RDH10: variants seen among roughly 807,000 people sequenced by gnomAD.
RDH10 encodes retinol dehydrogenase 10 (all-trans).
In RDH10, 12 loss-of-function variants were observed where a neutral mutation model predicts 30.2. The ratio of observed to expected loss-of-function variants is 0.40; its 90% CI spans 0.25 to 0.64. The LOEUF is 0.64. Ranked by LOEUF, RDH10 falls within the 30% of genes least tolerant of loss-of-function variation. The pLI, the probability that RDH10 is intolerant of heterozygous loss-of-function variation, is 0.43. For missense variants in RDH10, 268 were observed against 445.2 expected (o/e 0.60, Z 3.58); for synonymous variants, 189 against 172.2 (o/e 1.10, Z -0.76).
chr8:73,313,659 C>T (rs551629130), intron 2 of RDH10, among the ~76,000 whole-genome samples: 1 of 152,200 alleles, frequency 6.6e-6, no homozygotes, highest in African/African-American at 2.4e-5. Context: ...TGTAAACTTC[C>T]TGTTTCATAT....
rs1004004162 is a variant in RDH10, at chr8:73,295,601, C to T, written c.289+23C>T. On this transcript the variant is annotated intron_variant, in intron 1 of 5. Transcript: ENST00000240285. ...AAGGTAACCTGGACCCGCGCGGGAG[C>T]ATTGTTGGGTCAAGCCTCTTTCCAC... 26 of 1,471,248 alleles carry T rather than the reference C, an allele frequency of 1.8e-5. No homozygotes were observed. The Admixed American group carries it at 4.3e-4, about 24-fold the overall frequency. 91.1% of individuals were successfully genotyped at this position (1,471,248 alleles called of 1,614,324 possible). A position where few individuals can be genotyped will look rare whatever the true frequency, so the allele number is the denominator to read the frequency against.
intron 4 of RDH10, chr8:73,322,366 C>T (rs182799466): frequency 9.0e-5 from 26 of 289,482 alleles, no homozygotes; most frequent in African/African-American, 4.8e-4. Flanking sequence ...ACACCTTCTC[C>T]TCTTTCTATT....
intron 5 of RDH10, 28 bp from the exon 6 acceptor site, chr8:73,322,885 G>A: frequency 6.2e-7 from 1 of 1,614,028 alleles, no homozygotes; most frequent in South Asian, 1.1e-5. Context: ...CTTCAAGTTT[G>A]CTAACAGCTG....
intron 2 of RDH10, among the ~76,000 whole-genome samples, chr8:73,298,314 A>G (rs1422813166): frequency 6.6e-6 from 1 of 152,014 alleles, no homozygotes. Context: ...TTTTTTCCAT[A>G]GGCGGATTAG....
At chr8:73,321,638 G>A in intron 4 of RDH10, 1 of 359,380 alleles carries the variant, frequency 2.8e-6, no homozygotes, top group Non-Finnish European at 5.5e-6. Context: ...ACATAGAAAG[G>A]AGGTATATGG....
rs1414872613 is a variant in RDH10, at chr8:73,297,218, T to A, written c.314T>A (p.Leu105Gln). 6.2e-7 allele frequency: 1 copy of A among 1,612,702 alleles called. No individual in the cohort carries two copies. The highest frequency in any genetic ancestry group is 2.2e-5 in the East Asian group (1 of 44,884). The change falls in exon 2 of 6, where the codon CTG becomes CAG. Residue 105 changes from leucine (L) to glutamine (Q), a missense_variant. By Grantham distance (113) the Leu-to-Gln change is moderately radical (BLOSUM62 -2). Transcript: ENST00000240285. ...LQAGNGEEEI[L>Q]PHCNLQVFTY... Reference sequence around the variant, plus strand: ...GCTGGGAATGGTGAGGAAGAAATTCTGCCCCACTGTAACTTGCAGGTTTTT... The same window carrying A: ...GCTGGGAATGGTGAGGAAGAAATTCAGCCCCACTGTAACTTGCAGGTTTTT...
intron 2 of RDH10, among the ~76,000 whole-genome samples, chr8:73,315,011 GTACTT>G (rs1194888164): frequency 6.6e-6 from 1 of 152,014 alleles, no homozygotes; most frequent in Non-Finnish European, 1.5e-5. Flanking sequence ...AGCATGTGTC[GTACTT>G]TACTCTTTAA....
intron 2 of RDH10, among the ~76,000 whole-genome samples, chr8:73,304,078 C>T (rs114243585): frequency 6.6e-6 from 1 of 152,216 alleles, no homozygotes; most frequent in Non-Finnish European, 1.5e-5. Context: ...ATGTGACCCT[C>T]TTGACCGTCT....
chr8:73,297,447 T>A lies in RDH10; in HGVS notation c.525+18T>A. 4 of 1,555,186 alleles carry A rather than the reference T, an allele frequency of 2.6e-6. No individual in the cohort carries two copies. Among genetic ancestry groups the A allele is most frequent in the Non-Finnish European group, 3.6e-6 (4 of 1,126,418 alleles). On this transcript the variant is annotated intron_variant, in intron 2 of 5. Coordinates refer to ENST00000240285, the MANE Select transcript of RDH10 (RefSeq NM_172037.5). ...ACTTCTGGGTAAATATAAACATCCT[T>A]GTTTTCTTTGCTGGGCCCTCCTTAA...
At chr8:73,298,361 A>C (rs935095146) in intron 2 of RDH10, among the ~76,000 whole-genome samples, 3 of 152,174 alleles carry the variant, frequency 2.0e-5, no homozygotes, top group Non-Finnish European at 4.4e-5. Flanking sequence ...TGTTTCTCCT[A>C]AATAGGTCAC....
intron 4 of RDH10, among the ~76,000 whole-genome samples, chr8:73,321,509 A>G (rs556149299): frequency 6.6e-6 from 1 of 152,338 alleles, no homozygotes; most frequent in South Asian, 2.1e-4. Flanking sequence ...AGACCATTGA[A>G]TATTACACTC....
chr8:73,296,212 G>A (rs907918202), intron 1 of RDH10, among the ~76,000 whole-genome samples: 1 of 151,620 alleles, frequency 6.6e-6, no homozygotes, highest in Non-Finnish European at 1.5e-5. Flanking sequence ...CTGCATTTCT[G>A]AATACTTATT....
At chr8:73,302,065 C>A (rs1227023247) in intron 2 of RDH10, among the ~76,000 whole-genome samples, 1 of 152,268 alleles carries the variant, frequency 6.6e-6, no homozygotes, top group Admixed American at 6.5e-5. Flanking sequence ...CTTGGCAATT[C>A]TTTCCTTCCC....
At chr8:73,315,390 T>A in intron 2 of RDH10, 1 of 243,888 alleles carries the variant, frequency 4.1e-6, no homozygotes, top group Non-Finnish European at 8.6e-6. Context: ...TCACATTTTT[T>A]AGAATATGCA....
chr8:73,311,569 T>C (rs1430129961), intron 2 of RDH10: 1 of 152,248 alleles, frequency 6.6e-6, no homozygotes, highest in Non-Finnish European at 1.5e-5. Flanking sequence ...TGTGCATGTG[T>C]GTTAAGTACT....
chr8:73,297,487 A>G (rs1036481021), intron 2 of RDH10, 58 bp downstream of exon 2: 2 of 1,291,296 alleles, frequency 1.5e-6, no homozygotes, highest in Admixed American at 1.7e-5. Flanking sequence ...AAGGTTGGGA[A>G]GGGGAGAGAC....
intron 1 of RDH10, among the ~76,000 whole-genome samples, chr8:73,296,033 A>G (rs1814259634): frequency 6.6e-6 from 1 of 152,230 alleles, no homozygotes; most frequent in East Asian, 1.9e-4. Context: ...TGACGGTTTC[A>G]TTATAAGTTT....
chr8:73,300,037 G>A (rs1814347795), intron 2 of RDH10, among the ~76,000 whole-genome samples: 2 of 152,188 alleles, frequency 1.3e-5, no homozygotes, highest in Non-Finnish European at 2.9e-5. Flanking sequence ...GCTTTGAGAT[G>A]TTGCTTAACC....
intron 2 of RDH10, among the ~76,000 whole-genome samples, chr8:73,300,002 A>G (rs942993065): frequency 6.6e-6 from 1 of 152,212 alleles, no homozygotes; most frequent in Admixed American, 6.5e-5. Context: ...GGAGGAGCAT[A>G]GCACCTTCCT....
Sources: allele counts gnomAD v4.1 joint callset (sites outside exome capture counted in the v4.1 genomes callset), GRCh38; gene constraint gnomAD v4.1.1; transcripts MANE v1.5; gene names NCBI Gene and HGNC (gene_info 2026-07-23, HGNC 2026-07-21).